SLC35F5: variants seen among roughly 807,000 people sequenced by gnomAD.
The protein encoded by SLC35F5 is solute carrier family 35 member F5, also known as HCV NS5A-transactivated protein 3.
Under a neutral mutation model 68.6 loss-of-function variants are expected in SLC35F5, and 54 were observed. That is an observed-to-expected ratio of 0.79 (90% CI 0.63 to 0.99). The LOEUF is 0.99. SLC35F5 is among the 50% of genes least tolerant of loss of function. The pLI is 0.00. For synonymous variants in SLC35F5, 211 were observed against 205.2 expected, an observed-to-expected ratio of 1.03 and a Z score of -0.24; for missense variants, 567 against 626.9, an observed-to-expected ratio of 0.90 and a Z score of 1.02.
Position 113,742,234 on chromosome 2 carries a change from G to T in SLC35F5, c.750+458C>A, listed in dbSNP as rs564611669. 129 of 156,828 alleles carry T rather than the reference G, an allele frequency of 8.2e-4. 1 individual carries two copies. Among genetic ancestry groups the T allele is most frequent in the Non-Finnish European group, 1.4e-3 (102 of 71,318 alleles). 9.7% of individuals were successfully genotyped at this position (156,828 alleles called of 1,614,324 possible). A position where few individuals can be genotyped will look rare whatever the true frequency, so the allele number is the denominator to read the frequency against. ...ACCAGAAATTCTGTAGAAATATACT[G>T]AGTACTTGACAAAATAATACTTAAC... On this transcript the variant is annotated intron_variant, in intron 7 of 15. Transcript: ENST00000245680.
At chr2:113,749,737 C>T (rs1374368669) in intron 4 of SLC35F5, among the ~76,000 whole-genome samples, 1 of 152,046 alleles carries the variant, frequency 6.6e-6, no homozygotes, top group East Asian at 1.9e-4. Flanking sequence ...AGAGCAAAGT[C>T]AATGCGCTTA....
chr2:113,739,848 A>G (rs576364882), intron 7 of SLC35F5, among the ~76,000 whole-genome samples: 16 of 152,246 alleles, frequency 1.1e-4, no homozygotes, highest in Non-Finnish European at 1.8e-4. Context: ...TACTAATAAC[A>G]TAAGTAATGA....
At chr2:113,752,616 G>A (rs6704673) in intron 3 of SLC35F5, among the ~76,000 whole-genome samples, 75,072 of 151,910 alleles carry the variant, frequency 0.49, 19,181 homozygotes, top group Middle Eastern at 0.66. Context: ...CAGAATGTGT[G>A]ATACATCCAA....
At chr2:113,716,113 A>G (rs1419094904) in intron 15 of SLC35F5, among the ~76,000 whole-genome samples, 1 of 152,198 alleles carries the variant, frequency 6.6e-6, no homozygotes, top group African/African-American at 2.4e-5. Context: ...AATAAACCAC[A>G]TGGACAAAAA....
intron 15 of SLC35F5, among the ~76,000 whole-genome samples, chr2:113,716,957 A>T (rs1687205675): frequency 6.6e-6 from 1 of 152,252 alleles, no homozygotes; most frequent in African/African-American, 2.4e-5. Context: ...CAGGAGTTGT[A>T]CAATGTTCTA....
chr2:113,742,881 T>C lies in SLC35F5; in HGVS notation c.563-2A>G. Reference sequence around the variant, plus strand: ...ACCTCACACGAGACTTTTTGGGGGCTTAAAAGGAAGAGCATAATATGAAAT... The same window carrying C: ...ACCTCACACGAGACTTTTTGGGGGCCTAAAAGGAAGAGCATAATATGAAAT... On this transcript the variant is annotated splice_acceptor_variant, in intron 6 of 15. Coordinates refer to ENST00000245680, the MANE Select transcript of SLC35F5 (RefSeq NM_025181.5). LOFTEE classifies it high-confidence loss of function. 6.2e-7 allele frequency: 1 copy of C among 1,610,626 alleles called. No individual in the cohort carries two copies. The highest frequency in any genetic ancestry group is 8.5e-7 in the Non-Finnish European group (1 of 1,177,544).
At chr2:113,722,388 T>TAC (rs35537697) in intron 13 of SLC35F5, among the ~76,000 whole-genome samples, 9,478 of 150,876 alleles carry the variant, frequency 0.063, 355 homozygotes, top group South Asian at 0.13. Context: ...CACACATACA[T>TAC]ACACACACAC....
chr2:113,731,575 A>G lies in SLC35F5; in HGVS notation c.985+9T>C, dbSNP rs1405999502. 6.2e-7 allele frequency: 1 copy of G among 1,609,466 alleles called. No individual in the cohort carries two copies. The highest frequency in any genetic ancestry group is 1.1e-5 in the South Asian group (1 of 90,988). ...CTCTAACAGAGAGAATCCAGAGTCC[A>G]GTACTTACCTACTGTGTCTCTTCCA... On this transcript the variant is annotated intron_variant, in intron 10 of 15. Transcript: ENST00000245680.
chr2:113,735,652 C>T (rs766391294), intron 8 of SLC35F5, 125 bp downstream of exon 8: 267 of 584,520 alleles, frequency 4.6e-4, no homozygotes, highest in Non-Finnish European at 7.4e-4. Flanking sequence ...TTGTAATAGA[C>T]TAATGTATAT....
Position 113,714,154 on chromosome 2 carries a change from A to G in SLC35F5, c.*1064T>C, listed in dbSNP as rs1220861496. 6.6e-6 allele frequency: 1 copy of G among 152,162 alleles called. No homozygotes were observed. The highest frequency in any genetic ancestry group is 1.5e-5 in the Non-Finnish European group (1 of 67,990). 9.4% of individuals were successfully genotyped at this position (152,162 alleles called of 1,614,324 possible). A position where few individuals can be genotyped will look rare whatever the true frequency, so the allele number is the denominator to read the frequency against. On this transcript the variant is annotated 3_prime_UTR_variant, in exon 16 of 16. Coordinates refer to ENST00000245680, the MANE Select transcript of SLC35F5 (RefSeq NM_025181.5). ...AGGAGTATTTTACATTTAATTTATA[A>G]TCTTAGTAGAGGAAAAGTTCTGATG...
intron 2 of SLC35F5, 62 bp from the exon 3 acceptor site, chr2:113,755,368 G>C (rs1003044791): frequency 9.3e-6 from 15 of 1,605,112 alleles, no homozygotes; most frequent in Non-Finnish European, 1.2e-5. Flanking sequence ...CATTAAAAAT[G>C]AGAACATTAG....
intron 14 of SLC35F5, among the ~76,000 whole-genome samples, chr2:113,718,923 AAG>A (rs765899038): frequency 2.1e-5 from 1 of 48,488 alleles, no homozygotes; most frequent in African/African-American, 6.1e-5. Flanking sequence ...GAAAGAAAGA[AAG>A]AAAAAGAAAG....
downstream of SLC35F5, among the ~76,000 whole-genome samples, chr2:113,705,707 A>G (rs545704392): frequency 5.3e-5 from 8 of 152,180 alleles, no homozygotes; most frequent in South Asian, 1.7e-3. Context: ...TAAGAACACT[A>G]TCTCCTTAAG....
chr2:113,722,001 G>A (rs1441986115), intron 13 of SLC35F5, among the ~76,000 whole-genome samples: 1 of 120,164 alleles, frequency 8.3e-6, no homozygotes, highest in Non-Finnish European at 1.7e-5. Flanking sequence ...TTGAGATGGA[G>A]TCTTGTTCTG....
chr2:113,719,193 C>G lies in SLC35F5; in HGVS notation c.1457G>C (p.Arg486Thr). The change falls in exon 14 of 16, where the codon AGA (arginine) becomes ACA (threonine). Residue 486 changes from arginine to threonine, a missense_variant. Physicochemically the swap from Arg to Thr is moderately conservative, Grantham distance 71. Transcript: ENST00000245680. ...NWDPVMVGIR[R>T]IFAFICRKHR... is the part of the protein sequence containing the mutation. ...TTTTCTGCATATAAAAGCAAATATTCTTCTGATTCCCACCATCACAGGATC... is the reference window on the plus strand; with the variant it reads ...TTTTCTGCATATAAAAGCAAATATTGTTCTGATTCCCACCATCACAGGATC... 1 of 1,606,990 alleles carries G rather than the reference C, an allele frequency of 6.2e-7. No homozygotes were observed. Among genetic ancestry groups the G allele is most frequent in the Non-Finnish European group, 8.5e-7 (1 of 1,178,578 alleles).
At chr2:113,744,259 CA>C (rs1340011418) in intron 5 of SLC35F5, among the ~76,000 whole-genome samples, 1 of 152,106 alleles carries the variant, frequency 6.6e-6, no homozygotes, top group Non-Finnish European at 1.5e-5. Context: ...AGGCAGATAA[CA>C]AACTGATAAC....
intron 14 of SLC35F5, among the ~76,000 whole-genome samples, chr2:113,718,928 A>AGGAAGGAAGG (rs1268449934): frequency 8.7e-4 from 37 of 42,500 alleles, no homozygotes; most frequent in African/African-American, 2.5e-3. Context: ...AAAGAAAGAA[A>AGGAAGGAAGG]AAGAAAGGAA....
intron 4 of SLC35F5, among the ~76,000 whole-genome samples, chr2:113,748,910 T>C (rs1392004506): frequency 6.6e-6 from 1 of 152,142 alleles, no homozygotes; most frequent in East Asian, 1.9e-4. Context: ...TCCATGCAAC[T>C]CTCCTGCCTC....
chr2:113,705,928 G>A (rs1686788978), downstream of SLC35F5, among the ~76,000 whole-genome samples: 1 of 152,170 alleles, frequency 6.6e-6, no homozygotes, highest in Admixed American at 6.6e-5. Context: ...AAAGGGAAAG[G>A]GGAGTAAGTA....
Sources: allele counts gnomAD v4.1 joint callset (sites outside exome capture counted in the v4.1 genomes callset), GRCh38; gene constraint gnomAD v4.1.1; transcripts MANE v1.5; gene names NCBI Gene and HGNC (gene_info 2026-07-23, HGNC 2026-07-21).